The following CCND1 variants were observed in gnomAD, a reference collection of about 807,000 sequenced individuals.
The protein encoded by CCND1 is G1/S-specific cyclin-D1.
A neutral mutation model predicts 26.1 loss-of-function variants in CCND1; 9 were observed. The ratio of observed to expected loss-of-function variants is 0.35; its 90% confidence interval spans 0.21 to 0.60. The LOEUF is 0.60. Ranked by LOEUF, CCND1 falls within the 20% of genes least tolerant of loss-of-function variation. CCND1 has a pLI of 0.79. For synonymous variants in CCND1, 194 were observed against 166.1 expected, an observed-to-expected ratio of 1.17 and a Z score of -1.29; for missense variants, 335 against 392.9, an observed-to-expected ratio of 0.85 and a Z score of 1.25.
In CCND1 at chr11:69,648,081, A is replaced by G. The variant is rs1855807875; in HGVS notation, c.662A>G (p.Asn221Ser). The change falls in exon 4 of 5, where the codon AAC becomes AGC. Residue 221 changes from asparagine (N) to serine (S), a missense_variant. Coordinates refer to ENST00000227507, the MANE Select transcript of CCND1 (RefSeq NM_053056.3). ...CAAGGCCTGAACCTGAGGAGCCCCA[A>G]CAACTTCCTGTCCTACTACCGCCTC... ...AVQGLNLRSPNNFLSYYRLTR... is the reference protein window; with the variant it reads ...AVQGLNLRSPSNFLSYYRLTR... 14 of 1,613,822 alleles carry G rather than the reference A, an allele frequency of 8.7e-6. No homozygotes were observed. Among genetic ancestry groups the G allele is most frequent in the Non-Finnish European group, 1.2e-5 (14 of 1,180,000 alleles).
chr11:69,654,079 A>G lies in CCND1; in HGVS notation c.*2797A>G. ...CACGTGGTTGGGGCCCTGCCCTGGC[A>G]GGGTCATCCTGTGCTCGGAGGCCAT... On this transcript the variant is annotated 3_prime_UTR_variant, in exon 5 of 5. Transcript: ENST00000227507. This position sits in a 1 kb window ranked among gnomAD's most constrained non-coding sequence, Gnocchi z 6.3. 2 of 621,956 alleles carry G rather than the reference A, an allele frequency of 3.2e-6. No homozygotes were observed. Among genetic ancestry groups the G allele is most frequent in the East Asian group, 2.7e-5 (1 of 36,596 alleles). 38.5% of individuals were successfully genotyped at this position (621,956 alleles called of 1,614,324 possible).
chr11:69,642,081 G>C (rs1855711409), intron 1 of CCND1, among the ~76,000 whole-genome samples: 2 of 152,192 alleles, frequency 1.3e-5, no homozygotes, highest in East Asian at 1.9e-4. Context: ...CGCGGCTGCC[G>C]GGAGCCCGCG....
Position 69,648,160 on chromosome 11 carries a change from C to G in CCND1, c.723+18C>G, listed in dbSNP as rs1317567308. 4.3e-6 allele frequency: 7 copies of G among 1,613,040 alleles called. No homozygotes were observed. The Admixed American group carries it at 6.7e-5, about 15-fold the overall frequency. On this transcript the variant is annotated intron_variant, in intron 4 of 4. Transcript: ENST00000227507. Reference sequence around the variant, plus strand: ...GTGACCCGGTAAGTGAGGGTGATGTCCCAGGCAGCCTTGCCGGGGCTTACA... The same window carrying G: ...GTGACCCGGTAAGTGAGGGTGATGTGCCAGGCAGCCTTGCCGGGGCTTACA...
At chr11:69,646,005 C>G (rs1024755749) in intron 3 of CCND1, among the ~76,000 whole-genome samples, 3 of 152,148 alleles carry the variant, frequency 2.0e-5, no homozygotes, top group African/African-American at 7.2e-5. Context: ...AATCCTGGAG[C>G]TTTGGTGTCT....
chr11:69,642,258 C>A (rs1441121084), intron 1 of CCND1, among the ~76,000 whole-genome samples: 6 of 152,210 alleles, frequency 3.9e-5, no homozygotes, highest in African/African-American at 1.4e-4. Flanking sequence ...GGGCTTGATC[C>A]CCGTCTGCAG....
chr11:69,643,746 G>A (rs866316156), intron 2 of CCND1, 86 bp from the exon 3 acceptor site: 8 of 1,343,194 alleles, frequency 6.0e-6, no homozygotes, highest in South Asian at 5.4e-5. Context: ...GAGGTGCGGC[G>A]TGGCCCGGCC....
intron 4 of CCND1, among the ~76,000 whole-genome samples, chr11:69,649,765 G>A (rs2120115135): frequency 6.6e-6 from 1 of 152,308 alleles, no homozygotes; most frequent in South Asian, 2.1e-4. Flanking sequence ...GTGGGTCATG[G>A]GCGAGGGACG....
intron 4 of CCND1, 67 bp from the exon 5 acceptor site, chr11:69,651,051 G>T (rs1227965729): frequency 6.8e-7 from 1 of 1,476,666 alleles, no homozygotes; most frequent in East Asian, 2.5e-5. Flanking sequence ...ACCTGGGAAG[G>T]GGCCCTCGCT....
At chr11:69,648,760 G>A (rs764757914) in intron 4 of CCND1, among the ~76,000 whole-genome samples, 1 of 152,226 alleles carries the variant, frequency 6.6e-6, no homozygotes, top group African/African-American at 2.4e-5. Context: ...CGGGTCAGCC[G>A]CCGGCCCCGC....
intron 4 of CCND1, 75 bp downstream of exon 4, chr11:69,648,217 A>G (rs2120111032): frequency 6.4e-7 from 1 of 1,559,740 alleles, no homozygotes; most frequent in Non-Finnish European, 8.8e-7. Flanking sequence ...GGAAATGCCG[A>G]GGCTGGTGCC....
At position 69,653,882 on chromosome 11, in the gene CCND1, G is replaced by A. The variant is rs192114382; in HGVS notation, c.*2600G>A. On this transcript the variant is annotated 3_prime_UTR_variant, in exon 5 of 5. Transcript: ENST00000227507. ...GCTTCTGGAATTTGTTCAAGTTTTG[G>A]GTATGTTTAATCTGTTATGTACTAG... is the stretch of plus-strand genomic sequence containing the variant. 7.3e-4 allele frequency: 291 copies of A among 399,138 alleles called. No homozygotes were observed. The highest frequency in any genetic ancestry group is 1.2e-3 in the Non-Finnish European group (267 of 223,614). The allele number at this position is 399,138 out of a possible 1,614,324, so 24.7% of individuals were successfully genotyped here. A position where few individuals can be genotyped will look rare whatever the true frequency, so the allele number is the denominator to read the frequency against.
Position 69,643,670 on chromosome 11 carries a change from C to T in CCND1, c.415-162C>T. On this transcript the variant is annotated intron_variant, in intron 2 of 4. Transcript: ENST00000227507. ...TGCCCCAGCTCCCTTGAGTCCCCAGCATTCGCCAGCCCTCCCCTCCAACAT... is the reference window on the plus strand; with the variant it reads ...TGCCCCAGCTCCCTTGAGTCCCCAGTATTCGCCAGCCCTCCCCTCCAACAT... The T allele has an allele frequency of 8.1e-6, 5 of 620,188 alleles. No individual in the cohort carries two copies. The South Asian group carries it at 8.9e-5, about 11-fold the overall frequency. The allele number at this position is 620,188 out of a possible 1,614,324, so 38.4% of individuals were successfully genotyped here. A position where few individuals can be genotyped will look rare whatever the true frequency, so the allele number is the denominator to read the frequency against.
In CCND1 at chr11:69,643,097, C is replaced by T. The variant is rs2120088766; in HGVS notation, c.265C>T (p.Leu89=). Reference sequence around the variant, plus strand: ...GGCCATGAACTACCTGGACCGCTTCCTGTCGCTGGAGCCCGTGAAAAAGAG... The same window carrying T: ...GGCCATGAACTACCTGGACCGCTTCTTGTCGCTGGAGCCCGTGAAAAAGAG... ...PLAMNYLDRF[L]SLEPVKKSRL... is the part of the protein sequence containing the mutation. The change falls in exon 2 of 5, where the codon CTG becomes TTG. Residue 89 remains leucine (L), a synonymous_variant. Coordinates refer to ENST00000227507, the MANE Select transcript of CCND1 (RefSeq NM_053056.3). The T allele has an allele frequency of 6.2e-7, 1 of 1,611,460 alleles. No individual in the cohort carries two copies. Among genetic ancestry groups the T allele is most frequent in the Non-Finnish European group, 8.5e-7 (1 of 1,179,252 alleles).
chr11:69,641,907 G>A (rs1281545290), intron 1 of CCND1, among the ~76,000 whole-genome samples: 2 of 151,976 alleles, frequency 1.3e-5, no homozygotes, highest in African/African-American at 4.8e-5. Flanking sequence ...GCATAGATTT[G>A]ATTTTTAAAT....
At chr11:69,646,251 C>T (rs371495126) in intron 3 of CCND1, among the ~76,000 whole-genome samples, 2 of 152,202 alleles carry the variant, frequency 1.3e-5, no homozygotes, top group Non-Finnish European at 2.9e-5. Context: ...GGCTCTCAGA[C>T]TGGGTGGAAC....
chr11:69,641,693 G>A (rs1285893831), intron 1 of CCND1, among the ~76,000 whole-genome samples, 182 bp downstream of exon 1: 1 of 152,182 alleles, frequency 6.6e-6, no homozygotes, highest in Non-Finnish European at 1.5e-5. Context: ...AGGAAGGGGT[G>A]GGGGTGGGGG....
At chr11:69,646,822 G>GAC (rs1855788478) in intron 3 of CCND1, among the ~76,000 whole-genome samples, 1 of 152,256 alleles carries the variant, frequency 6.6e-6, no homozygotes, top group African/African-American at 2.4e-5. Flanking sequence ...GCTCTCTGTG[G>GAC]AAAGAGCCAG....
rs1253382783 is a variant in CCND1, at chr11:69,652,419, AAGTGTGGGCC to A, written c.*1139_*1148del. On this transcript the variant is annotated 3_prime_UTR_variant, in exon 5 of 5. Coordinates refer to ENST00000227507, the MANE Select transcript of CCND1 (RefSeq NM_053056.3). ...TTGTTTGCAAGCAGGACTTTGAGGC[AAGTGTGGGCC>A]ACTGTGGTGGCAGTGGAGGTGGGGT... 4.3e-6 allele frequency: 1 copy of A among 233,584 alleles called. No individual in the cohort carries two copies. Among genetic ancestry groups the A allele is most frequent in the Non-Finnish European group, 8.5e-6 (1 of 118,078 alleles). The allele number at this position is 233,584 out of a possible 1,614,324, so 14.5% of individuals were successfully genotyped here.
chr11:69,648,362 A>C, intron 4 of CCND1: 1 of 560,806 alleles, frequency 1.8e-6, no homozygotes, highest in Non-Finnish European at 3.1e-6. Flanking sequence ...CAGCCTTCTC[A>C]CGTCCCCTGG....
Sources: gnomAD v4.1 joint callset for allele counts (sites outside exome capture counted in the v4.1 genomes callset) on GRCh38, gnomAD v4.1.1 for gene constraint, Gnocchi (gnomAD v3.1) non-coding constraint, MANE v1.5 for transcripts, NCBI Gene and HGNC (gene_info 2026-07-23, HGNC 2026-07-21) for gene names.